The following PLOD2 variants were observed in gnomAD, a reference collection of about 807,000 sequenced individuals.
PLOD2 encodes the protein procollagen-lysine,2-oxoglutarate 5-dioxygenase 2, also known as lysine hydroxylase 2.
In PLOD2, 65 loss-of-function variants were observed where a neutral mutation model predicts 101.0. The observed-to-expected ratio is 0.64, with a 90% CI of 0.53 to 0.79. PLOD2 has a LOEUF of 0.79. Among genes scored for constraint, PLOD2 ranks in the 30% least tolerant of loss-of-function variants. PLOD2 has a pLI of 0.00. For missense variants in PLOD2, 909 were observed against 914.6 expected, an observed-to-expected ratio of 0.99 and a Z score of 0.08; for synonymous variants, 314 against 302.9, an observed-to-expected ratio of 1.04 and a Z score of -0.38.
At chr3:146,137,164 T>C (rs1436165641) in intron 1 of PLOD2, among the ~76,000 whole-genome samples, 1 of 152,184 alleles carries the variant, frequency 6.6e-6, no homozygotes, top group African/African-American at 2.4e-5. Context: ...GACTAAAAGG[T>C]ATTTTCCATA....
Position 146,085,256 on chromosome 3 carries a change from T to C in PLOD2, c.1145A>G (p.Asp382Gly). 6.3e-7 allele frequency: 1 copy of C among 1,596,140 alleles called. No homozygotes were observed. The highest frequency in any genetic ancestry group is 8.6e-7 in the Non-Finnish European group (1 of 1,164,002). Residue 382 changes from aspartate to glycine, a missense_variant, in exon 11 of 20, where the codon GAT becomes GGT. By Grantham distance (94) the Asp-to-Gly change is moderately conservative. Transcript: ENST00000282903. ...RNMGMDFCRQ[D>G]EKCDYYFSVD... is the part of the protein sequence containing the mutation. ...ACTAAAGTAATAATCACACTTTTCA[T>C]CCTGACGGCAAAAGTCCCTAACAGT...
chr3:146,095,870 TCTCC>T (rs1559845449), intron 7 of PLOD2, among the ~76,000 whole-genome samples: 1 of 114,898 alleles, frequency 8.7e-6, no homozygotes, highest in East Asian at 3.1e-4. Context: ...CCCTCTCCCC[TCTCC>T]CCTCTCCCCT....
chr3:146,084,691 G>A (rs1465294682), intron 11 of PLOD2, among the ~76,000 whole-genome samples: 2 of 152,062 alleles, frequency 1.3e-5, no homozygotes, highest in African/African-American at 4.8e-5. Context: ...AGTTAAATGA[G>A]CAAACAGACA....
At chr3:146,141,487 CCT>C (rs1023749235) in intron 1 of PLOD2, among the ~76,000 whole-genome samples, 13 of 152,018 alleles carry the variant, frequency 8.6e-5, no homozygotes, top group African/African-American at 2.9e-4. Context: ...AGATTTAACC[CCT>C]GACTCCACAC....
intron 1 of PLOD2, among the ~76,000 whole-genome samples, chr3:146,130,048 A>G (rs188001989): frequency 1.4e-3 from 216 of 152,252 alleles, no homozygotes; most frequent in Non-Finnish European, 2.1e-3. Context: ...CATTACCACA[A>G]TGTGGTCCTA....
chr3:146,140,425 T>C (rs2108123787), intron 1 of PLOD2, among the ~76,000 whole-genome samples: 1 of 152,214 alleles, frequency 6.6e-6, no homozygotes, highest in East Asian at 1.9e-4. Context: ...TTCAGTGTTT[T>C]GTCAGCTTCA....
chr3:146,140,323 C>T (rs942997350), intron 1 of PLOD2, among the ~76,000 whole-genome samples: 5 of 152,014 alleles, frequency 3.3e-5, no homozygotes, highest in Non-Finnish European at 7.4e-5. Flanking sequence ...CAGAGACATT[C>T]CCATTTCTGA....
intron 3 of PLOD2, among the ~76,000 whole-genome samples, chr3:146,120,377 C>T (rs563657282): frequency 6.6e-6 from 1 of 152,200 alleles, no homozygotes; most frequent in South Asian, 2.1e-4. Context: ...CAAAAATTTT[C>T]TCCCTTTCTG....
chr3:146,136,983 G>A (rs1660145704), intron 1 of PLOD2, among the ~76,000 whole-genome samples: 1 of 152,228 alleles, frequency 6.6e-6, no homozygotes, highest in African/African-American at 2.4e-5. Flanking sequence ...CTGGTCCCAA[G>A]CATTTTGCAT....
At position 146,110,357 on chromosome 3, in the gene PLOD2, A is replaced by G. The variant is rs755302635; in HGVS notation, c.430T>C (p.Leu144=). ...TCTGCTAGTCTTTTATCTGGCCACA[A>G]AATTCCATCTGCTGCAAAGACCACT... ...HKVVFAADGI[L]WPDKRLADKY... is the part of the protein sequence containing the mutation. Residue 144 remains leucine (L), a synonymous_variant, in exon 4 of 20, where the codon TTG becomes CTG. Transcript: ENST00000282903. 3.1e-6 allele frequency: 5 copies of G among 1,613,746 alleles called. 1 individual carries two copies. In the South Asian group the frequency reaches 3.3e-5, roughly 11 times the overall value.
chr3:146,159,185 T>A (rs2032447605), intron 1 of PLOD2, among the ~76,000 whole-genome samples: 1 of 152,216 alleles, frequency 6.6e-6, no homozygotes, highest in East Asian at 1.9e-4. Flanking sequence ...GAATTCTCCA[T>A]GCCTGCTTAC....
rs9289713 is a variant in PLOD2 at position 146,106,238 on chromosome 3, T to C, written c.615+294A>G. Among the ~76,000 whole-genome samples, 61,804 of 152,010 alleles carry C rather than the reference T, an allele frequency of 0.41. 12,926 individuals carry two copies. The highest frequency in any genetic ancestry group is 0.56 in the East Asian group (2,902 of 5,158). ...ATTTCAATATGTGTTTCAATACATATAGCACTGCATTATATAGTTCTTCTT... is the reference window on the plus strand; with the variant it reads ...ATTTCAATATGTGTTTCAATACATACAGCACTGCATTATATAGTTCTTCTT... On this transcript the variant is annotated intron_variant, in intron 5 of 19. Coordinates refer to ENST00000282903, the MANE Select transcript of PLOD2 (RefSeq NM_182943.3).
At chr3:146,129,354 G>T (rs1186850293) in intron 1 of PLOD2, among the ~76,000 whole-genome samples, 2 of 152,040 alleles carry the variant, frequency 1.3e-5, no homozygotes, top group South Asian at 4.1e-4. Context: ...TTGTCTGGCT[G>T]GCTGTGCAAA....
rs147729075 is a variant in PLOD2, at chr3:146,148,742, A to G, written c.109+12139T>C. On this transcript the variant is annotated intron_variant, in intron 1 of 19. Coordinates refer to ENST00000282903, the MANE Select transcript of PLOD2 (RefSeq NM_182943.3). ...ATATAAAACACATCCATGGTTGCAT[A>G]ATATTACAACATCTATATTTCTGAA... 1.1e-3 allele frequency among the ~76,000 whole-genome samples: 162 copies of G among 152,298 alleles called. 1 individual carries two copies. The highest frequency in any genetic ancestry group is 3.7e-3 in the African/African-American group (152 of 41,530).
rs1936715126 is a variant in PLOD2, at chr3:146,085,209, T to C, written c.1192A>G (p.Thr398Ala). The C allele has an allele frequency of 6.2e-7, 1 of 1,604,626 alleles. No homozygotes were observed. The highest frequency in any genetic ancestry group is 2.2e-5 in the East Asian group (1 of 44,704). The change falls in exon 11 of 20, where the codon ACA (threonine) becomes GCA (alanine). Residue 398 changes from threonine (T) to alanine (A), a missense_variant. Thr to Ala is a moderately conservative substitution (Grantham distance 58). Transcript: ENST00000282903. ...YFSVDADVVL[T>A]NPRTLKILIE... ...AAAATTTTTAAAGTCCTTGGATTTG[T>C]CAAAACAACATCTGCATCCACACTA...
At chr3:146,082,453 G>C (rs544143680) in intron 11 of PLOD2, among the ~76,000 whole-genome samples, 17 of 152,136 alleles carry the variant, frequency 1.1e-4, no homozygotes, top group Middle Eastern at 3.4e-3. Context: ...AGCTAGTCCT[G>C]GCAACACTGA....
At chr3:146,141,966 G>A (rs946230707) in intron 1 of PLOD2, among the ~76,000 whole-genome samples, 3 of 152,078 alleles carry the variant, frequency 2.0e-5, no homozygotes, top group African/African-American at 7.2e-5. Context: ...ACCAGGTGAA[G>A]AAATGTGTGT....
rs1458003320 is a variant in PLOD2 at position 146,161,036 on chromosome 3, A to G, written c.-47T>C. On this transcript the variant is annotated 5_prime_UTR_variant, in exon 1 of 20. Coordinates refer to ENST00000282903, the MANE Select transcript of PLOD2 (RefSeq NM_182943.3). ...CGGGCTCAGGCGCCCACGGCCCCGCAGCGCCGCGCTTCTCGCGAGAACGCA... is the reference window on the plus strand; with the variant it reads ...CGGGCTCAGGCGCCCACGGCCCCGCGGCGCCGCGCTTCTCGCGAGAACGCA... 3.1e-6 allele frequency: 4 copies of G among 1,300,512 alleles called. No homozygotes were observed. The highest frequency in any genetic ancestry group is 2.3e-4 in the Middle Eastern group (1 of 4,418). 80.6% of individuals were successfully genotyped at this position (1,300,512 alleles called of 1,614,324 possible). A position where few individuals can be genotyped will look rare whatever the true frequency, so the allele number is the denominator to read the frequency against.
intron 10 of PLOD2, 116 bp from the exon 11 acceptor site, chr3:146,085,389 G>T (rs1251995836): frequency 1.5e-6 from 1 of 683,696 alleles, no homozygotes; most frequent in African/African-American, 1.8e-5. Flanking sequence ...ATACTTTTCT[G>T]ATCAAAATAG....
Sources: gnomAD v4.1 joint callset for allele counts (sites outside exome capture counted in the v4.1 genomes callset) on GRCh38, gnomAD v4.1.1 for gene constraint, MANE v1.5 for transcripts, NCBI Gene and HGNC (gene_info 2026-07-23, HGNC 2026-07-21) for gene names.